The following HPSE2 variants were observed in gnomAD, a reference collection of about 807,000 sequenced individuals.
The protein encoded by HPSE2 is heparanase 2 (inactive).
HPSE2 carries 38 observed loss-of-function variants against 60.5 expected under a neutral mutation model. The ratio of observed to expected loss-of-function variants is 0.63; its 90% confidence interval spans 0.48 to 0.82. HPSE2 has a LOEUF of 0.82. HPSE2 is among the 40% of genes least tolerant of loss of function. HPSE2 has a pLI of 0.00. For missense variants in HPSE2, 713 were observed against 740.4 expected (o/e 0.96, Z 0.43); for synonymous variants, 295 against 293.2 (o/e 1.01, Z -0.06).
chr10:98,674,152 G>C (rs754388884), intron 6 of HPSE2, among the ~76,000 whole-genome samples: 4 of 152,078 alleles, frequency 2.6e-5, no homozygotes, highest in Non-Finnish European at 5.9e-5. Flanking sequence ...CACATGGAAG[G>C]CTTTCAATTA....
the HPSE2 span, among the ~76,000 whole-genome samples, chr10:99,262,379 T>C: frequency 6.6e-6 from 1 of 152,160 alleles, no homozygotes; most frequent in Non-Finnish European, 1.5e-5. Flanking sequence ...TTATCTGCTT[T>C]CCTGACTATT....
At chr10:99,289,843 C>T in the HPSE2 span, among the ~76,000 whole-genome samples, 2 of 152,106 alleles carry the variant, frequency 1.3e-5, no homozygotes, top group South Asian at 2.1e-4. Context: ...AAAAACTGTA[C>T]TGCTGAAATA....
intron 3 of HPSE2, among the ~76,000 whole-genome samples, chr10:98,957,979 CAG>C (rs777658161): frequency 2.0e-5 from 3 of 152,124 alleles, no homozygotes; most frequent in Non-Finnish European, 4.4e-5. Context: ...TTCACATCTG[CAG>C]AGAGAAGAAA....
intron 9 of HPSE2, among the ~76,000 whole-genome samples, chr10:98,552,088 C>A (rs1943880400): frequency 6.6e-6 from 1 of 152,032 alleles, no homozygotes; most frequent in African/African-American, 2.4e-5. Flanking sequence ...AGGAGAGGGA[C>A]CTGACTTGAG....
At chr10:98,542,640 G>C (rs901331997) in intron 9 of HPSE2, among the ~76,000 whole-genome samples, 2 of 151,848 alleles carry the variant, frequency 1.3e-5, no homozygotes, top group African/African-American at 4.8e-5. Context: ...TAAAGGAGCT[G>C]ATGGAGCTGA....
intron 3 of HPSE2, among the ~76,000 whole-genome samples, chr10:98,817,738 C>G (rs1951324963): frequency 1.3e-5 from 2 of 152,192 alleles, no homozygotes; most frequent in Admixed American, 1.3e-4. Context: ...CAAATTCACC[C>G]TTTCAAGCTC....
intron 3 of HPSE2, among the ~76,000 whole-genome samples, chr10:98,877,019 C>T (rs997638840): frequency 4.6e-5 from 7 of 151,774 alleles, no homozygotes; most frequent in Admixed American, 1.3e-4. Context: ...ATAGGGCATG[C>T]TATTGAATAT....
chr10:99,169,954 A>G (rs1452647826), intron 2 of HPSE2, among the ~76,000 whole-genome samples: 1 of 152,048 alleles, frequency 6.6e-6, no homozygotes, highest in Non-Finnish European at 1.5e-5. Context: ...ACAAAATATG[A>G]CTCTGATACC....
chr10:98,488,023 G>C (rs1422177375), intron 10 of HPSE2, among the ~76,000 whole-genome samples: 2 of 152,226 alleles, frequency 1.3e-5, no homozygotes. Flanking sequence ...GTCACATGTA[G>C]AACGGATTAT....
intron 3 of HPSE2, among the ~76,000 whole-genome samples, chr10:98,775,378 A>G (rs970824215): frequency 2.6e-5 from 4 of 152,180 alleles, no homozygotes; most frequent in African/African-American, 9.7e-5. Context: ...ATTGGGAGAA[A>G]CCAGTCTCAC....
At chr10:98,638,876 G>C (rs1016160750) in intron 7 of HPSE2, among the ~76,000 whole-genome samples, 6 of 152,072 alleles carry the variant, frequency 3.9e-5, no homozygotes, top group Non-Finnish European at 7.4e-5. Flanking sequence ...AAGAGAATCA[G>C]GGGAAAAAAA....
chr10:99,063,352 G>T (rs1045683165), intron 3 of HPSE2, among the ~76,000 whole-genome samples: 5 of 151,616 alleles, frequency 3.3e-5, no homozygotes, highest in Admixed American at 3.3e-4. Context: ...AAACAGCAAG[G>T]ATATACATAG....
chr10:98,848,619 T>G (rs1051335918), intron 3 of HPSE2, among the ~76,000 whole-genome samples: 1 of 152,144 alleles, frequency 6.6e-6, no homozygotes, highest in East Asian at 1.9e-4. Context: ...AAACATGTAC[T>G]ATTCCTTACT....
chr10:99,234,221 G>A (rs920740102), intron 1 of HPSE2, among the ~76,000 whole-genome samples: 4 of 152,160 alleles, frequency 2.6e-5, no homozygotes, highest in African/African-American at 9.6e-5. Context: ...CCTCGGCAAG[G>A]GCAGCTACAG....
At chr10:99,288,984 T>C in the HPSE2 span, among the ~76,000 whole-genome samples, 1 of 152,186 alleles carries the variant, frequency 6.6e-6, no homozygotes, top group African/African-American at 2.4e-5. Context: ...AAATACCAGC[T>C]AAAAATCTAA....
intron 3 of HPSE2, among the ~76,000 whole-genome samples, chr10:98,790,101 T>C (rs971342157): frequency 6.6e-6 from 1 of 152,102 alleles, no homozygotes; most frequent in Non-Finnish European, 1.5e-5. Flanking sequence ...GATAAAGTAA[T>C]AGCATTGAGA....
intron 3 of HPSE2, among the ~76,000 whole-genome samples, chr10:98,799,825 A>G (rs1034232519): frequency 9.2e-5 from 14 of 152,138 alleles, no homozygotes; most frequent in Non-Finnish European, 2.1e-4. Flanking sequence ...CTACATCAAA[A>G]AAGAATAAAA....
chr10:98,758,838 T>A (rs1021122789), intron 3 of HPSE2, among the ~76,000 whole-genome samples: 11 of 152,194 alleles, frequency 7.2e-5, no homozygotes, highest in Non-Finnish European at 5.9e-5. Flanking sequence ...TTACTGGGTA[T>A]ACACCCAAAG....
chr10:99,010,503 TATAG>T (rs1165385198), intron 3 of HPSE2, among the ~76,000 whole-genome samples: 2 of 152,182 alleles, frequency 1.3e-5, no homozygotes, highest in African/African-American at 4.8e-5. Flanking sequence ...AGAGGCAGTA[TATAG>T]ATAAAGATAA....
Sources: gnomAD v4.1 joint callset for allele counts (sites outside exome capture counted in the v4.1 genomes callset) on GRCh38, gnomAD v4.1.1 for gene constraint, MANE v1.5 for transcripts, NCBI Gene and HGNC (gene_info 2026-07-23, HGNC 2026-07-21) for gene names.